Variants in PPM1H observed in about 807,000 individuals in gnomAD.
PPM1H encodes the protein protein phosphatase 1H.
Under a neutral mutation model 54.9 loss-of-function variants are expected in PPM1H, and 27 were observed. The observed-to-expected ratio is 0.49, with a 90% CI of 0.36 to 0.68. PPM1H has a LOEUF of 0.68. PPM1H is among the 30% of genes least tolerant of loss of function. The probability of loss-of-function intolerance (pLI) is 0.00; values close to 1 mark genes in which losing one functional copy is unlikely to be tolerated. For missense variants in PPM1H, 596 were observed against 667.8 expected, an observed-to-expected ratio of 0.89 and a Z score of 1.19; for synonymous variants, 305 against 270.8, an observed-to-expected ratio of 1.13 and a Z score of -1.24.
At chr12:62,902,178 T>C (rs1412686533) in intron 1 of PPM1H, among the ~76,000 whole-genome samples, 2 of 151,848 alleles carry the variant, frequency 1.3e-5, no homozygotes, top group African/African-American at 4.8e-5. Context: ...CTGTCCAACA[T>C]GGCGAAACCC....
chr12:62,686,091 G>GTCCT (rs2076049828), intron 8 of PPM1H, among the ~76,000 whole-genome samples: 1 of 152,180 alleles, frequency 6.6e-6, no homozygotes, highest in Admixed American at 6.5e-5. Flanking sequence ...CCAACTCAGT[G>GTCCT]TCCTACAAAC....
At chr12:62,885,793 T>C (rs1196119521) in intron 1 of PPM1H, among the ~76,000 whole-genome samples, 2 of 152,252 alleles carry the variant, frequency 1.3e-5, no homozygotes, top group African/African-American at 2.4e-5. Flanking sequence ...GGAATACTCA[T>C]GTGCTGTGAA....
At chr12:62,665,080 C>T (rs1364820294) in intron 9 of PPM1H, among the ~76,000 whole-genome samples, 2 of 151,692 alleles carry the variant, frequency 1.3e-5, no homozygotes, top group Admixed American at 1.3e-4. Flanking sequence ...CAGAGTCTCA[C>T]TCTTTCACCC....
intron 4 of PPM1H, among the ~76,000 whole-genome samples, chr12:62,757,210 C>G (rs190697336): frequency 2.0e-5 from 3 of 152,210 alleles, no homozygotes; most frequent in Admixed American, 6.5e-5. Context: ...TGAGTGTAGA[C>G]AGTAGGGAAC....
chr12:62,754,814 T>C (rs562945698), intron 4 of PPM1H, among the ~76,000 whole-genome samples: 1 of 152,272 alleles, frequency 6.6e-6, no homozygotes, highest in Non-Finnish European at 1.5e-5. Context: ...TTAGCACAAG[T>C]AAAAATAAAC....
At chr12:62,850,137 C>T (rs1194016306) in intron 1 of PPM1H, among the ~76,000 whole-genome samples, 3 of 151,498 alleles carry the variant, frequency 2.0e-5, no homozygotes, top group East Asian at 3.9e-4. Flanking sequence ...AATTTTTTTT[C>T]TATACTTTTT....
intron 4 of PPM1H, among the ~76,000 whole-genome samples, chr12:62,744,026 G>C (rs921721968): frequency 7.9e-5 from 12 of 152,042 alleles, no homozygotes; most frequent in African/African-American, 2.9e-4. Flanking sequence ...AGAAATAAAA[G>C]ACTCAGTACA....
At chr12:62,912,086 T>A (rs1436659133) in intron 1 of PPM1H, among the ~76,000 whole-genome samples, 1 of 152,158 alleles carries the variant, frequency 6.6e-6, no homozygotes, top group Non-Finnish European at 1.5e-5. Context: ...AAAGATGGCA[T>A]CCATTTCACA....
intron 1 of PPM1H, among the ~76,000 whole-genome samples, chr12:62,903,963 C>T (rs113511633): frequency 3.7e-4 from 56 of 152,206 alleles, no homozygotes; most frequent in African/African-American, 1.3e-3. Flanking sequence ...TTTTTAGAGT[C>T]ACCCTGTAAT....
chr12:62,917,927 C>T (rs1565828710), intron 1 of PPM1H, among the ~76,000 whole-genome samples: 2 of 152,116 alleles, frequency 1.3e-5, no homozygotes, highest in Non-Finnish European at 2.9e-5. Flanking sequence ...TTTCAATTCA[C>T]TTCCACTTTT....
intron 2 of PPM1H, among the ~76,000 whole-genome samples, chr12:62,829,966 G>T (rs4763031): frequency 3.9e-5 from 6 of 152,108 alleles, no homozygotes; most frequent in Admixed American, 3.9e-4. Flanking sequence ...AACACTTCAC[G>T]CTTTCCAAGC....
chr12:62,836,421 C>T (rs1287022805), intron 1 of PPM1H, among the ~76,000 whole-genome samples: 1 of 152,168 alleles, frequency 6.6e-6, no homozygotes, highest in African/African-American at 2.4e-5. Context: ...TATGTATGAG[C>T]CAGAGACTGC....
chr12:62,862,430 G>A (rs505071), intron 1 of PPM1H, among the ~76,000 whole-genome samples: 39,151 of 152,092 alleles, frequency 0.26, 6,823 homozygotes, highest in African/African-American at 0.48. Context: ...ACTGACTTGA[G>A]TACTTCTGAG....
intron 2 of PPM1H, among the ~76,000 whole-genome samples, chr12:62,815,387 A>C (rs538409161): frequency 6.6e-6 from 1 of 152,336 alleles, no homozygotes; most frequent in African/African-American, 2.4e-5. Context: ...TTTTGTTTTT[A>C]AATGGCAATT....
Position 62,720,059 on chromosome 12 carries a change from C to T in PPM1H, c.1073+112G>A, listed in dbSNP as rs577558496. ...ACCCCCTTGTCTTTTACCACAAACC[C>T]TGGTCTCTGGCTGTGCTTCCTGATC... On this transcript the variant is annotated intron_variant, in intron 6 of 9. Coordinates refer to ENST00000228705, the MANE Select transcript of PPM1H (RefSeq NM_020700.2). The T allele has an allele frequency of 1.1e-3, 1,035 of 908,646 alleles. 1 individual carries two copies. The highest frequency in any genetic ancestry group is 9.5e-4 in the Non-Finnish European group (539 of 569,854). 56.3% of individuals were successfully genotyped at this position (908,646 alleles called of 1,614,324 possible). A position where few individuals can be genotyped will look rare whatever the true frequency, so the allele number is the denominator to read the frequency against.
intron 2 of PPM1H, among the ~76,000 whole-genome samples, chr12:62,819,460 T>C (rs1050369412): frequency 6.6e-6 from 1 of 152,176 alleles, no homozygotes; most frequent in Non-Finnish European, 1.5e-5. Context: ...AGGAGAAATG[T>C]TTATTGTTTC....
chr12:62,691,311 T>C (rs1236698116), intron 7 of PPM1H, among the ~76,000 whole-genome samples: 1 of 152,188 alleles, frequency 6.6e-6, no homozygotes. Flanking sequence ...CTCACTCTAT[T>C]ACCTGGGTGA....
intron 8 of PPM1H, among the ~76,000 whole-genome samples, chr12:62,686,582 C>T (rs553102701): frequency 4.0e-4 from 61 of 152,258 alleles, no homozygotes; most frequent in Non-Finnish European, 7.5e-4. Context: ...CAGTAATTCA[C>T]GGATCCTGAT....
At chr12:62,668,114 T>C (rs920305919) in intron 8 of PPM1H, among the ~76,000 whole-genome samples, 4 of 152,094 alleles carry the variant, frequency 2.6e-5, no homozygotes, top group Admixed American at 2.6e-4. Flanking sequence ...CCACCTAAGC[T>C]CTGGAAAGAG....
Sources: gnomAD v4.1 joint callset for allele counts (sites outside exome capture counted in the v4.1 genomes callset) on GRCh38, gnomAD v4.1.1 for gene constraint, MANE v1.5 for transcripts, NCBI Gene and HGNC (gene_info 2026-07-23, HGNC 2026-07-21) for gene names.